The following ETF1 variants were observed in gnomAD, a reference collection of about 807,000 sequenced individuals.
ETF1 encodes eukaryotic peptide chain release factor subunit 1.
In ETF1, 4 loss-of-function variants were observed where a neutral mutation model predicts 55.1. The observed-to-expected ratio is 0.07, with a 90% confidence interval of 0.04 to 0.17. The LOEUF (loss-of-function observed/expected upper bound fraction) is 0.17. Among genes scored for constraint, ETF1 ranks in the 10% least tolerant of loss-of-function variants. ETF1 has a pLI of 1.00. For missense variants in ETF1, 142 were observed against 523.6 expected (o/e 0.27, Z 7.11); for synonymous variants, 157 against 182.3 (o/e 0.86, Z 1.12).
chr5:138,513,877 T>C (rs975333459), intron 4 of ETF1, 171 bp from the exon 5 acceptor site: 1 of 801,008 alleles, frequency 1.2e-6, no homozygotes, highest in African/African-American at 1.9e-5. Context: ...ATGTAACTCT[T>C]ATGGACAAAT....
chr5:138,528,186 G>A (rs1215600475), intron 2 of ETF1, among the ~76,000 whole-genome samples: 1 of 152,140 alleles, frequency 6.6e-6, no homozygotes, highest in Non-Finnish European at 1.5e-5. Flanking sequence ...GGATGGCAAA[G>A]GTAAAGTCTC....
intron 2 of ETF1, chr5:138,541,735 G>A (rs1370391368): frequency 1.7e-5 from 12 of 693,592 alleles, no homozygotes; most frequent in African/African-American, 3.9e-5. Context: ...AGACATACAA[G>A]TATGTAATAA....
rs188162590 is a variant in ETF1 at position 138,511,758 on chromosome 5, C to T, written c.733-154G>A. On this transcript the variant is annotated intron_variant, in intron 6 of 10. Coordinates refer to ENST00000360541, the MANE Select transcript of ETF1 (RefSeq NM_004730.4). ...ATATGGGGAAGGAGCCCAATTTAAT[C>T]AAAAGCTGCTCTTAAAGTGAACAGC... 7.2e-4 allele frequency: 710 copies of T among 984,986 alleles called. 4 individuals carry two copies. The African/African-American group carries it at 0.012, about 16-fold the overall frequency. 61.0% of individuals were successfully genotyped at this position (984,986 alleles called of 1,614,324 possible). A position where few individuals can be genotyped will look rare whatever the true frequency, so the allele number is the denominator to read the frequency against.
intron 2 of ETF1, among the ~76,000 whole-genome samples, chr5:138,534,004 G>A (rs1272266085): frequency 6.6e-6 from 1 of 152,108 alleles, no homozygotes. Context: ...GGATGATTCT[G>A]TTACCCTTCA....
rs374928734 is a variant in ETF1, at chr5:138,508,646, T to C, written c.1231+23A>G. ...TGACCTGAGACCCTGGTTTTAAGTT[T>C]GGTTTGCTGATTTGCTACTCACCTC... On this transcript the variant is annotated intron_variant, in intron 10 of 10. Coordinates refer to ENST00000360541, the MANE Select transcript of ETF1 (RefSeq NM_004730.4). 8.7e-6 allele frequency: 14 copies of C among 1,611,656 alleles called. No homozygotes were observed. The African/African-American group carries it at 1.9e-4, about 22-fold the overall frequency.
rs1163293970 is a variant in ETF1 at position 138,507,211 on chromosome 5, T to A, written c.*1094A>T. Reference sequence around the variant, plus strand: ...CCCTAATTTCTCATGTGAGAAGTGCTTGTAAGTCCCACATTTGAAACAGAT... The same window carrying A: ...CCCTAATTTCTCATGTGAGAAGTGCATGTAAGTCCCACATTTGAAACAGAT... On this transcript the variant is annotated 3_prime_UTR_variant, in exon 11 of 11. Transcript: ENST00000360541. The A allele has an allele frequency of 7.0e-6, 1 of 142,900 alleles. No homozygotes were observed. Among genetic ancestry groups the A allele is most frequent in the Non-Finnish European group, 1.5e-5 (1 of 64,850 alleles). 8.9% of individuals were successfully genotyped at this position (142,900 alleles called of 1,614,324 possible).
At chr5:138,539,566 C>T (rs1766089226) in intron 2 of ETF1, among the ~76,000 whole-genome samples, 1 of 152,210 alleles carries the variant, frequency 6.6e-6, no homozygotes, top group South Asian at 2.1e-4. Context: ...CTAGCACACA[C>T]AAACTAACAT....
intron 2 of ETF1, among the ~76,000 whole-genome samples, chr5:138,533,572 G>A (rs1765790713): frequency 6.6e-6 from 1 of 152,130 alleles, no homozygotes; most frequent in African/African-American, 2.4e-5. Context: ...TGTAGTACCA[G>A]TTACTTGGGA....
intron 6 of ETF1, 43 bp from the exon 7 acceptor site, chr5:138,511,647 T>C (rs951564232): frequency 3.2e-6 from 5 of 1,544,138 alleles, no homozygotes; most frequent in Non-Finnish European, 4.4e-6. Context: ...CTGGTACTTA[T>C]TTAAAATATT....
chr5:138,526,622 C>T (rs1219658281), intron 2 of ETF1, among the ~76,000 whole-genome samples: 1 of 152,034 alleles, frequency 6.6e-6, no homozygotes, highest in Admixed American at 6.6e-5. Context: ...CTGCAACCTC[C>T]GCCTCCCAGG....
rs572851013 is a variant in ETF1, at chr5:138,535,823, T to C, written c.86+7010A>G. Among the ~76,000 whole-genome samples the C allele has an allele frequency of 1.4e-3, 179 of 124,700 alleles. 1 individual carries two copies. Among genetic ancestry groups the C allele is most frequent in the Middle Eastern group, 0.015 (2 of 130 alleles). 81.8% of individuals were successfully genotyped at this position (124,700 alleles called of 152,430 possible). A position where few individuals can be genotyped will look rare whatever the true frequency, so the allele number is the denominator to read the frequency against. On this transcript the variant is annotated intron_variant, in intron 2 of 10. Coordinates refer to ENST00000360541, the MANE Select transcript of ETF1 (RefSeq NM_004730.4). ...CTGGGAGGTGGAGGTTGCAGTAAGC[T>C]GAGATCGCACCACTGCACTCAAGCC...
chr5:138,538,866 A>G (rs988057223), intron 2 of ETF1, among the ~76,000 whole-genome samples: 2 of 152,230 alleles, frequency 1.3e-5, no homozygotes, highest in African/African-American at 4.8e-5. Flanking sequence ...ACATTAACCT[A>G]TTCAATGATC....
intron 2 of ETF1, among the ~76,000 whole-genome samples, chr5:138,530,208 A>G (rs1765641003): frequency 6.6e-6 from 1 of 152,162 alleles, no homozygotes; most frequent in Non-Finnish European, 1.5e-5. Flanking sequence ...ATCCTGACTC[A>G]ATAGTTTCTG....
At position 138,510,098 on chromosome 5, in the gene ETF1, C is replaced by T. The variant is rs142475981; in HGVS notation, c.1083+467G>A. 9.5e-3 allele frequency among the ~76,000 whole-genome samples: 1,431 copies of T among 151,364 alleles called. 28 individuals carry two copies. The highest frequency in any genetic ancestry group is 0.032 in the African/African-American group (1,339 of 41,306). ...AAAGACCGGTCATGGTGGCTCACAC[C>T]TGTAATCCCACCACTTGGGAGGCCG... On this transcript the variant is annotated intron_variant, in intron 9 of 10. Transcript: ENST00000360541.
rs527849908 is a variant in ETF1 at position 138,524,579 on chromosome 5, T to G, written c.87-5712A>C. On this transcript the variant is annotated intron_variant, in intron 2 of 10. Coordinates refer to ENST00000360541, the MANE Select transcript of ETF1 (RefSeq NM_004730.4). ...TAAAAAAAAAAAAAATTTCTTTCCG[T>G]TTTTTGTTTTTTTTTTTGAGACAGA... Among the ~76,000 whole-genome samples, 315 of 133,484 alleles carry G rather than the reference T, an allele frequency of 2.4e-3. 6 individuals carry two copies. Among genetic ancestry groups the G allele is most frequent in the Admixed American group, 0.021 (276 of 13,412 alleles). 87.6% of individuals were successfully genotyped at this position (133,484 alleles called of 152,430 possible). A position where few individuals can be genotyped will look rare whatever the true frequency, so the allele number is the denominator to read the frequency against.
chr5:138,541,440 T>C (rs2127140378), intron 2 of ETF1: 2 of 1,022,464 alleles, frequency 2.0e-6, no homozygotes, highest in Non-Finnish European at 2.9e-6. Context: ...CGTCACTGAA[T>C]GGGGCCAAAC....
chr5:138,527,766 GTTCT>G (rs1765537792), intron 2 of ETF1, among the ~76,000 whole-genome samples: 1 of 151,998 alleles, frequency 6.6e-6, no homozygotes, highest in African/African-American at 2.4e-5. Context: ...TTTGTAGGAA[GTTCT>G]TTCTTTTCTT....
chr5:138,536,946 C>A (rs1251319671), intron 2 of ETF1, among the ~76,000 whole-genome samples: 2 of 152,190 alleles, frequency 1.3e-5, no homozygotes, highest in African/African-American at 4.8e-5. Flanking sequence ...TAATTATGTA[C>A]TCTTGCTTAC....
At chr5:138,521,110 A>G (rs536390926) in intron 2 of ETF1, among the ~76,000 whole-genome samples, 103 of 152,294 alleles carry the variant, frequency 6.8e-4, no homozygotes, top group African/African-American at 2.4e-3. Context: ...GAACAAATAA[A>G]AAAAAGTGGT....
Sources: gnomAD v4.1 joint callset for allele counts (sites outside exome capture counted in the v4.1 genomes callset) on GRCh38, gnomAD v4.1.1 for gene constraint, MANE v1.5 for transcripts, NCBI Gene and HGNC (gene_info 2026-07-23, HGNC 2026-07-21) for gene names.